Variants in PDE4B observed in about 807,000 individuals in gnomAD.
PDE4B encodes the protein 3',5'-cyclic-AMP phosphodiesterase 4B.
PDE4B carries 20 observed loss-of-function variants against 82.2 expected under a neutral mutation model. The ratio of observed to expected loss-of-function variants is 0.24; its 90% CI spans 0.17 to 0.35. The LOEUF (loss-of-function observed/expected upper bound fraction) is 0.35, where lower values mean the gene tolerates loss of function less well. Among genes scored for constraint, PDE4B ranks in the 10% least tolerant of loss-of-function variants. The pLI is 1.00. For synonymous variants in PDE4B, 320 were observed against 318.9 expected (o/e 1.00, Z -0.04); for missense variants, 655 against 907.2 (o/e 0.72, Z 3.57).
intron 3 of PDE4B, among the ~76,000 whole-genome samples, chr1:66,101,353 G>A (rs995621723): frequency 3.9e-5 from 6 of 152,082 alleles, no homozygotes; most frequent in African/African-American, 1.2e-4. Context: ...GTCCAGTAAC[G>A]GGATGGCTGG....
chr1:66,089,954 AAAATTCAAAATCTACT>A (rs1644977794), intron 3 of PDE4B, among the ~76,000 whole-genome samples: 1 of 152,126 alleles, frequency 6.6e-6, no homozygotes, highest in African/African-American at 2.4e-5. Context: ...TATATAAACT[AAAATTCAAAATCTACT>A]TATGGAAAAA....
At chr1:66,166,981 C>G (rs1646746236) in intron 3 of PDE4B, among the ~76,000 whole-genome samples, 1 of 152,072 alleles carries the variant, frequency 6.6e-6, no homozygotes, top group African/African-American at 2.4e-5. Flanking sequence ...TAGGAAAATG[C>G]AAATCAAAAC....
intron 1 of PDE4B, among the ~76,000 whole-genome samples, chr1:65,816,069 T>C (rs1331139343): frequency 6.6e-6 from 1 of 152,162 alleles, no homozygotes. Context: ...TTTAGAAGAA[T>C]CTTGGAAGGT....
chr1:66,293,843 T>A (rs1163638511), intron 7 of PDE4B, among the ~76,000 whole-genome samples: 2 of 152,216 alleles, frequency 1.3e-5, no homozygotes, highest in Non-Finnish European at 2.9e-5. Flanking sequence ...TTTGTTGTTG[T>A]TGTTCTCAAC....
intron 4 of PDE4B, among the ~76,000 whole-genome samples, chr1:66,256,960 C>G (rs1654281104): frequency 6.6e-6 from 1 of 152,182 alleles, no homozygotes; most frequent in African/African-American, 2.4e-5. Flanking sequence ...GCCAGAGAGA[C>G]AGTGTGCACT....
At chr1:65,999,853 T>C (rs1474743877) in intron 3 of PDE4B, among the ~76,000 whole-genome samples, 1 of 152,206 alleles carries the variant, frequency 6.6e-6, no homozygotes, top group Non-Finnish European at 1.5e-5. Context: ...TGAGCATTTT[T>C]CCTATAGCTT....
chr1:66,074,896 C>T (rs956208386), intron 3 of PDE4B, among the ~76,000 whole-genome samples: 1 of 151,924 alleles, frequency 6.6e-6, no homozygotes, highest in Non-Finnish European at 1.5e-5. Flanking sequence ...GATGGACATT[C>T]GAGTTGTTTT....
chr1:66,080,728 A>G (rs2100958392), intron 3 of PDE4B, among the ~76,000 whole-genome samples: 1 of 152,198 alleles, frequency 6.6e-6, no homozygotes, highest in Admixed American at 6.5e-5. Context: ...ATTTTGAAAT[A>G]TTAAATGTAT....
intron 3 of PDE4B, among the ~76,000 whole-genome samples, chr1:66,196,130 A>G (rs1032111081): frequency 2.6e-5 from 4 of 152,344 alleles, no homozygotes; most frequent in Middle Eastern, 3.4e-3. Flanking sequence ...TTGAGGAATT[A>G]ACTTAAAACT....
Position 66,021,786 on chromosome 1 carries a change from G to A in PDE4B, c.281+102951G>A, listed in dbSNP as rs534010014. Among the ~76,000 whole-genome samples, 5 of 152,252 alleles carry A rather than the reference G, an allele frequency of 3.3e-5. No homozygotes were observed. In the South Asian group the frequency reaches 1.0e-3, roughly 32 times the overall value. ...GTTCTTTTGGCTTAGGATTGTCTTG[G>A]CAATGCGGGCTCTTTTTTGGTTCCA... On this transcript the variant is annotated intron_variant, in intron 3 of 16. Coordinates refer to ENST00000341517, the MANE Select transcript of PDE4B (RefSeq NM_002600.4).
chr1:66,031,743 A>G (rs554071995), intron 3 of PDE4B, among the ~76,000 whole-genome samples: 43 of 152,232 alleles, frequency 2.8e-4, no homozygotes, highest in Non-Finnish European at 5.9e-4. Flanking sequence ...AAAATAATCA[A>G]GTTTTGAAAA....
intron 3 of PDE4B, among the ~76,000 whole-genome samples, chr1:65,962,549 T>C (rs1337691146): frequency 6.6e-6 from 1 of 152,150 alleles, no homozygotes; most frequent in African/African-American, 2.4e-5. Context: ...TGCTAGTCCA[T>C]GAAGGGCCCT....
chr1:65,925,604 C>T (rs1245437640), intron 3 of PDE4B, among the ~76,000 whole-genome samples: 1 of 152,114 alleles, frequency 6.6e-6, no homozygotes, highest in Non-Finnish European at 1.5e-5. Context: ...ATAATGGAAT[C>T]ACATAATGTG....
chr1:65,980,544 C>T (rs1268056680), intron 3 of PDE4B, among the ~76,000 whole-genome samples: 1 of 152,060 alleles, frequency 6.6e-6, no homozygotes, highest in Non-Finnish European at 1.5e-5. Context: ...GTTGGTGTTT[C>T]TTTTCTTTTC....
chr1:66,159,210 A>G (rs1386500615), intron 3 of PDE4B, among the ~76,000 whole-genome samples: 1 of 152,034 alleles, frequency 6.6e-6, no homozygotes, highest in Non-Finnish European at 1.5e-5. Context: ...ATAAATATGC[A>G]CAGTTATTAG....
chr1:66,370,579 C>A (rs981300965), intron 16 of PDE4B, among the ~76,000 whole-genome samples: 8 of 152,204 alleles, frequency 5.3e-5, no homozygotes, highest in Non-Finnish European at 1.2e-4. Context: ...CACCAATGGG[C>A]TCTGCTGAAC....
At chr1:65,883,835 A>G (rs1020430768) in intron 1 of PDE4B, among the ~76,000 whole-genome samples, 25 of 152,288 alleles carry the variant, frequency 1.6e-4, no homozygotes, top group African/African-American at 4.6e-4. Flanking sequence ...CGTCCCATCA[A>G]TACCTAATTT....
chr1:66,036,691 C>T (rs768885668), intron 3 of PDE4B, among the ~76,000 whole-genome samples: 6 of 152,108 alleles, frequency 3.9e-5, no homozygotes, highest in Non-Finnish European at 7.4e-5. Context: ...TCTGTTTTTA[C>T]GCCAATATCA....
In PDE4B at chr1:65,894,799, A is replaced by C. The variant is rs145398765; in HGVS notation, c.-70-18446A>C. Among the ~76,000 whole-genome samples, 987 of 152,292 alleles carry C rather than the reference A, an allele frequency of 6.5e-3. 11 individuals carry two copies. The highest frequency in any genetic ancestry group is 0.022 in the African/African-American group (929 of 41,546). ...ATTGTTAGTTCTTAGGGAAATGTAA[A>C]TCAAAAGCATAGTGAGATACTACTA... On this transcript the variant is annotated intron_variant, in intron 1 of 16. Coordinates refer to ENST00000341517, the MANE Select transcript of PDE4B (RefSeq NM_002600.4).
Sources: allele counts gnomAD v4.1 joint callset (sites outside exome capture counted in the v4.1 genomes callset), GRCh38; gene constraint gnomAD v4.1.1; transcripts MANE v1.5; gene names NCBI Gene and HGNC (gene_info 2026-07-23, HGNC 2026-07-21).